TP63: variants seen among roughly 807,000 people sequenced by gnomAD.
TP63 encodes the protein tumor protein 63.
TP63 carries 17 observed loss-of-function variants against 82.8 expected under a neutral mutation model. The ratio of observed to expected loss-of-function variants is 0.21; its 90% CI spans 0.14 to 0.31. TP63 has a LOEUF of 0.31. TP63 is among the 10% of genes least tolerant of loss of function. TP63 has a pLI of 1.00. For synonymous variants in TP63, 330 were observed against 321.7 expected (o/e 1.03, Z -0.28); for missense variants, 648 against 895.3 (o/e 0.72, Z 3.52).
upstream of TP63, among the ~76,000 whole-genome samples, chr3:189,628,523 C>T (rs1729368489): frequency 6.6e-6 from 1 of 152,110 alleles, no homozygotes; most frequent in Admixed American, 6.6e-5. Flanking sequence ...AACACCTTTC[C>T]TTCCTTAAGT....
chr3:189,832,677 TG>T (rs1712541514), intron 4 of TP63, among the ~76,000 whole-genome samples: 1 of 152,220 alleles, frequency 6.6e-6, no homozygotes, highest in South Asian at 2.1e-4. Flanking sequence ...GAGATAAAAC[TG>T]GTAGTTAATA....
At chr3:189,801,652 C>T (rs1019273100) in intron 3 of TP63, among the ~76,000 whole-genome samples, 2 of 151,978 alleles carry the variant, frequency 1.3e-5, no homozygotes, top group African/African-American at 2.4e-5. Flanking sequence ...CATTGTTGTC[C>T]ACCTGATCAG....
intron 3 of TP63, among the ~76,000 whole-genome samples, chr3:189,739,143 T>A (rs1282041677): frequency 6.6e-6 from 1 of 152,068 alleles, no homozygotes; most frequent in Non-Finnish European, 1.5e-5. Context: ...TTTGACAGAA[T>A]CTTACTCTGT....
intron 3 of TP63, among the ~76,000 whole-genome samples, chr3:189,806,045 T>C (rs1726858107): frequency 6.9e-6 from 1 of 144,766 alleles, no homozygotes; most frequent in East Asian, 2.0e-4. Flanking sequence ...AAACACTTTT[T>C]TTTTTTTTTT....
intron 3 of TP63, among the ~76,000 whole-genome samples, chr3:189,794,068 G>C (rs1725441573): frequency 6.6e-6 from 1 of 151,962 alleles, no homozygotes; most frequent in African/African-American, 2.4e-5. Flanking sequence ...GTGAAATGTG[G>C]CTTATTAATG....
chr3:189,627,099 C>T (rs945914443), upstream of TP63, among the ~76,000 whole-genome samples: 1 of 152,092 alleles, frequency 6.6e-6, no homozygotes, highest in Admixed American at 6.6e-5. Context: ...TACCAGAGCT[C>T]GTACTAACCC....
At chr3:189,786,446 AACAC>A (rs59747587) in intron 3 of TP63, among the ~76,000 whole-genome samples, 40,908 of 146,860 alleles carry the variant, frequency 0.28, 5,790 homozygotes, top group Admixed American at 0.39. Context: ...GACATACCTA[AACAC>A]ACACACACAC....
In TP63 at chr3:189,791,413, G is replaced by T. The variant is rs548283003; in HGVS notation, c.325-16859G>T. Among the ~76,000 whole-genome samples the T allele has an allele frequency of 4.6e-5, 7 of 152,168 alleles. No homozygotes were observed. The East Asian group carries it at 1.4e-3, about 30-fold the overall frequency. On this transcript the variant is annotated intron_variant, in intron 3 of 13. Transcript: ENST00000264731. ...AATTGCATTAATGTTGTGATTAGAG[G>T]ATATTTGTAGAAATTATTTCCTTTT...
At chr3:189,741,879 G>A (rs1286269258) in intron 3 of TP63, among the ~76,000 whole-genome samples, 3 of 152,092 alleles carry the variant, frequency 2.0e-5, no homozygotes, top group Admixed American at 2.0e-4. Context: ...GGTGAGTGGA[G>A]GCTCTCCAAA....
chr3:189,661,584 T>G (rs571840244), intron 1 of TP63, among the ~76,000 whole-genome samples: 1 of 152,274 alleles, frequency 6.6e-6, no homozygotes, highest in African/African-American at 2.4e-5. Context: ...GATGCTGGCT[T>G]CATAGAATTA....
At chr3:189,614,445 G>A in the TP63 span, among the ~76,000 whole-genome samples, 1 of 152,124 alleles carries the variant, frequency 6.6e-6, no homozygotes. Context: ...CTAGTCTTGG[G>A]TATGTCTTTA....
intron 1 of TP63, among the ~76,000 whole-genome samples, chr3:189,661,028 C>A (rs553792172): frequency 1.3e-5 from 2 of 151,992 alleles, no homozygotes; most frequent in South Asian, 4.2e-4. Context: ...CAAAGAGAGA[C>A]TTTGACTTCT....
intron 4 of TP63, among the ~76,000 whole-genome samples, chr3:189,815,804 A>G (rs9818303): frequency 0.21 from 31,614 of 152,090 alleles, 4,364 homozygotes; most frequent in Non-Finnish European, 0.31. Context: ...ACTAGTGGGT[A>G]TATTTTATTC....
chr3:189,606,728 C>T, the TP63 span, among the ~76,000 whole-genome samples: 1 of 151,948 alleles, frequency 6.6e-6, no homozygotes, highest in Non-Finnish European at 1.5e-5. Flanking sequence ...TGGTCTCCAA[C>T]TCCTACTCCT....
chr3:189,653,905 C>T (rs757356515), intron 1 of TP63, among the ~76,000 whole-genome samples: 9 of 152,158 alleles, frequency 5.9e-5, no homozygotes, highest in Non-Finnish European at 1.2e-4. Context: ...AGCACCAAAC[C>T]AGTGTTAGAG....
chr3:189,659,008 T>C (rs1713641227), intron 1 of TP63, among the ~76,000 whole-genome samples: 1 of 152,112 alleles, frequency 6.6e-6, no homozygotes, highest in Non-Finnish European at 1.5e-5. Context: ...TCAATTGTTC[T>C]GAAATATAAC....
At position 189,808,349 on chromosome 3, in the gene TP63, T is replaced by C. The variant is rs201239102; in HGVS notation, c.402T>C (p.Tyr134=). 31 of 1,614,160 alleles carry C rather than the reference T, an allele frequency of 1.9e-5. No homozygotes were observed. In the Admixed American group the frequency reaches 5.0e-4, roughly 26 times the overall value. ...IQNGSSSTSP[Y]NTDHAQNSVT... ...ACGGCTCCTCGTCCACCAGTCCCTA[T>C]AACACAGACCACGCGCAGAACAGCG... The change falls in exon 4 of 14, where the codon TAT becomes TAC. Residue 134 remains tyrosine, a synonymous_variant. Coordinates refer to ENST00000264731, the MANE Select transcript of TP63 (RefSeq NM_003722.5).
chr3:189,679,873 A>G (rs970623336), intron 1 of TP63, among the ~76,000 whole-genome samples: 7 of 152,190 alleles, frequency 4.6e-5, no homozygotes, highest in Non-Finnish European at 1.0e-4. Flanking sequence ...TGAAGAAGCT[A>G]TCTGTTCCCT....
intron 1 of TP63, among the ~76,000 whole-genome samples, chr3:189,702,353 C>T (rs796588746): frequency 2.0e-5 from 3 of 152,308 alleles, no homozygotes; most frequent in African/African-American, 7.2e-5. Context: ...TTGAAACCCT[C>T]CAGGGGCTTC....
Sources: allele counts gnomAD v4.1 joint callset (sites outside exome capture counted in the v4.1 genomes callset), GRCh38; gene constraint gnomAD v4.1.1; transcripts MANE v1.5; gene names NCBI Gene and HGNC (gene_info 2026-07-23, HGNC 2026-07-21).